The following FRMPD4 variants were observed in gnomAD, a reference collection of about 807,000 sequenced individuals.
FRMPD4 encodes FERM and PDZ domain containing 4, also known as FERM and PDZ domain-containing protein 4.
A neutral mutation model predicts 94.1 loss-of-function variants in FRMPD4; 22 were observed. That is an observed-to-expected ratio of 0.23 (90% CI 0.17 to 0.33). The LOEUF (loss-of-function observed/expected upper bound fraction) is 0.33, where lower values mean the gene tolerates loss of function less well. Among genes scored for constraint, FRMPD4 ranks in the 10% least tolerant of loss-of-function variants. The probability of loss-of-function intolerance (pLI) is 1.00; values close to 1 mark genes in which losing one functional copy is unlikely to be tolerated. For missense variants in FRMPD4, 1,111 were observed against 1,339.9 expected, an observed-to-expected ratio of 0.83 and a Z score of 2.67; for synonymous variants, 631 against 548.6, an observed-to-expected ratio of 1.15 and a Z score of -2.10.
At chrX:12,395,467 G>C (rs2148045201) in intron 1 of FRMPD4, among the ~76,000 whole-genome samples, 1 of 112,174 alleles carries the variant, frequency 8.9e-6, no homozygotes, top group East Asian at 2.8e-4. Context: ...GGATGAATTT[G>C]ATAATTTTTA....
Position 11,898,358 on chromosome X carries a change from G to A in FRMPD4, c.95+20340G>A, listed in dbSNP as rs2053915958. Among the ~76,000 whole-genome samples the A allele has an allele frequency of 2.7e-5, 3 of 111,481 alleles. No individual in the cohort carries two copies. The Admixed American group carries it at 2.9e-4, about 11-fold the overall frequency. On this transcript the variant is annotated intron_variant, in intron 3 of 18. Transcript: ENST00000640291. ...TCTGTCCCAGTGTCTTCTCTCAGGTGCTGCTTGTAGATGGCTTGGTATCCT... is the reference window on the plus strand; with the variant it reads ...TCTGTCCCAGTGTCTTCTCTCAGGTACTGCTTGTAGATGGCTTGGTATCCT...
rs182149065 is a variant in FRMPD4 at position 12,235,115 on chromosome X, A to G, written c.41+96103A>G. Among the ~76,000 whole-genome samples the G allele has an allele frequency of 2.0e-3, 224 of 111,937 alleles. 1 individual carries two copies. Among genetic ancestry groups the G allele is most frequent in the African/African-American group, 7.1e-3 (217 of 30,752 alleles). ...GTGTTCGTATTGCCATCCTATCAAC[A>G]TATGCTATCCTGGCCTGCCCTGGGA... is the stretch of plus-strand genomic sequence containing the variant. On this transcript the variant is annotated intron_variant, in intron 1 of 16. Coordinates refer to ENST00000675598, the MANE Select transcript of FRMPD4 (RefSeq NM_001368397.1).
intron 1 of FRMPD4, among the ~76,000 whole-genome samples, chrX:12,427,311 G>GA (rs2056956749): frequency 9.0e-6 from 1 of 110,638 alleles, no homozygotes; most frequent in Admixed American, 9.6e-5. Flanking sequence ...CTCTCTCAGG[G>GA]AAAAAAACAG....
At chrX:12,420,075 A>G (rs942702574) in intron 1 of FRMPD4, among the ~76,000 whole-genome samples, 1 of 111,689 alleles carries the variant, frequency 9.0e-6, no homozygotes. Context: ...ACCAGCACCT[A>G]TAATTTAACA....
At chrX:12,081,992 A>G (rs1034960360) in intron 3 of FRMPD4, among the ~76,000 whole-genome samples, 1 of 112,125 alleles carries the variant, frequency 8.9e-6, no homozygotes, top group Non-Finnish European at 1.9e-5. Context: ...GTCATTTTCT[A>G]TAGGAGACTG....
intron 1 of FRMPD4, among the ~76,000 whole-genome samples, chrX:11,859,993 C>T (rs959824992): frequency 8.9e-6 from 1 of 111,964 alleles, no homozygotes; most frequent in Admixed American, 9.5e-5. Flanking sequence ...CAGACTGTCA[C>T]TTCTACTAAC....
intron 7 of FRMPD4, among the ~76,000 whole-genome samples, chrX:12,688,504 A>T (rs929458940): frequency 3.6e-5 from 4 of 112,073 alleles, no homozygotes; most frequent in Non-Finnish European, 7.5e-5. Context: ...ATTACAATAG[A>T]CACTGGCTGG....
chrX:11,941,022 G>A lies in FRMPD4; in HGVS notation c.95+63004G>A, dbSNP rs1241139126. Among the ~76,000 whole-genome samples the A allele has an allele frequency of 3.6e-4, 8 of 22,069 alleles. 1 individual carries two copies. The highest frequency in any genetic ancestry group is 9.1e-4 in the African/African-American group (7 of 7,654). The allele number at this position is 22,069 out of a possible 115,157, so 19.2% of individuals were successfully genotyped here. A position where few individuals can be genotyped will look rare whatever the true frequency, so the allele number is the denominator to read the frequency against. On this transcript the variant is annotated intron_variant, in intron 3 of 18. Transcript: ENST00000640291. ...CGTTTCTTAAGCCGGTCTGAAAAGCGCAATATTCGGGTGGGAGTGACCCGA... is the reference window on the plus strand; with the variant it reads ...CGTTTCTTAAGCCGGTCTGAAAAGCACAATATTCGGGTGGGAGTGACCCGA...
At chrX:12,237,251 AT>A (rs60142669) in intron 1 of FRMPD4, among the ~76,000 whole-genome samples, 4 of 108,629 alleles carry the variant, frequency 3.7e-5, no homozygotes, top group African/African-American at 3.3e-5. Flanking sequence ...AAGTACAGAA[AT>A]TTTTTTTTTG....
At chrX:12,631,360 T>C (rs1338149176) in intron 4 of FRMPD4, among the ~76,000 whole-genome samples, 1 of 112,528 alleles carries the variant, frequency 8.9e-6, no homozygotes, top group Non-Finnish European at 1.9e-5. Context: ...AAAAGATTAC[T>C]ATAATTTATT....
At chrX:11,968,822 G>C (rs759213996) in intron 3 of FRMPD4, among the ~76,000 whole-genome samples, 1 of 112,184 alleles carries the variant, frequency 8.9e-6, no homozygotes, top group East Asian at 2.8e-4. Context: ...ACTGTCAGGT[G>C]CATCTGCTAT....
At chrX:12,568,506 T>C (rs183497234) in intron 2 of FRMPD4, among the ~76,000 whole-genome samples, 4 of 112,484 alleles carry the variant, frequency 3.6e-5, no homozygotes, top group Admixed American at 9.4e-5. Flanking sequence ...CTCTTCCTCA[T>C]TCTTTCTCAG....
intron 1 of FRMPD4, among the ~76,000 whole-genome samples, chrX:12,380,898 C>T (rs1156999482): frequency 8.9e-6 from 1 of 111,760 alleles, no homozygotes; most frequent in Non-Finnish European, 1.9e-5. Context: ...GACAGAGAGA[C>T]AGGCAAAGCA....
At chrX:12,373,561 A>G (rs1186781114) in intron 1 of FRMPD4, among the ~76,000 whole-genome samples, 1 of 111,978 alleles carries the variant, frequency 8.9e-6, no homozygotes, top group Non-Finnish European at 1.9e-5. Flanking sequence ...GGCCCAGAGA[A>G]CACCTTTTGT....
chrX:11,898,585 T>C (rs1389784944), intron 3 of FRMPD4, among the ~76,000 whole-genome samples: 1 of 111,993 alleles, frequency 8.9e-6, no homozygotes, highest in Non-Finnish European at 1.9e-5. Flanking sequence ...TGTTAATTAG[T>C]TTGATTTACT....
intron 3 of FRMPD4, among the ~76,000 whole-genome samples, chrX:11,987,814 A>G (rs917646984): frequency 2.7e-5 from 3 of 111,528 alleles, no homozygotes; most frequent in Non-Finnish European, 5.7e-5. Flanking sequence ...ATGTAATACC[A>G]TTTGTAATAG....
chrX:12,586,901 C>T, intron 2 of FRMPD4, among the ~76,000 whole-genome samples: 1 of 111,827 alleles, frequency 8.9e-6, no homozygotes, highest in East Asian at 2.8e-4. Context: ...CCAGGCAATG[C>T]TCCAAAGAGG....
chrX:12,426,300 G>A (rs1354079478), intron 1 of FRMPD4, among the ~76,000 whole-genome samples: 1 of 110,993 alleles, frequency 9.0e-6, no homozygotes, highest in Non-Finnish European at 1.9e-5. Flanking sequence ...GAAGAAGATG[G>A]TTGATCTCTG....
intron 1 of FRMPD4, among the ~76,000 whole-genome samples, chrX:12,291,841 C>T (rs1199708448): frequency 8.9e-6 from 1 of 111,835 alleles, no homozygotes; most frequent in Non-Finnish European, 1.9e-5. Flanking sequence ...GTATCCTACT[C>T]GGGCTCCATC....
Sources: gnomAD v4.1 joint callset for allele counts (sites outside exome capture counted in the v4.1 genomes callset) on GRCh38, gnomAD v4.1.1 for gene constraint, MANE v1.5 for transcripts, NCBI Gene and HGNC (gene_info 2026-07-23, HGNC 2026-07-21) for gene names.